The following LRMDA variants were observed in gnomAD, a reference collection of about 807,000 sequenced individuals.
LRMDA encodes the protein leucine rich melanocyte differentiation associated, also known as leucine-rich melanocyte differentiation-associated protein.
Under a neutral mutation model 29.8 loss-of-function variants are expected in LRMDA, and 18 were observed. That is an observed-to-expected ratio of 0.60 (90% CI 0.42 to 0.90). The LOEUF is 0.90. LRMDA is among the 40% of genes least tolerant of loss of function. LRMDA has a pLI of 0.00. For missense variants in LRMDA, 273 were observed against 273.9 expected (o/e 1.00, Z 0.02); for synonymous variants, 125 against 109.4 (o/e 1.14, Z -0.89).
intron 2 of LRMDA, among the ~76,000 whole-genome samples, chr10:75,575,166 C>T (rs970401750): frequency 2.6e-5 from 4 of 152,162 alleles, no homozygotes; most frequent in African/African-American, 4.8e-5. Context: ...CCCCTATGAT[C>T]CAAGGACTTC....
At chr10:76,318,307 A>T (rs746445237) in intron 5 of LRMDA, 1 of 152,142 alleles carries the variant, frequency 6.6e-6, no homozygotes, top group Non-Finnish European at 1.5e-5. Flanking sequence ...GCCTTTCATA[A>T]ATATTTGTGA....
Position 76,052,115 on chromosome 10 carries a change from C to T in LRMDA, c.398+4812C>T, listed in dbSNP as rs573760252. On this transcript the variant is annotated intron_variant, in intron 4 of 6. Coordinates refer to ENST00000611255, the MANE Select transcript of LRMDA (RefSeq NM_001305581.2). ...GAAAGATTGAGAATGGCTCACAGAT[C>T]ACCCACTGCTGCCTTCAGGGGTCTC... 2.6e-4 allele frequency among the ~76,000 whole-genome samples: 40 copies of T among 152,314 alleles called. 2 individuals carry two copies. The South Asian group carries it at 8.3e-3, about 32-fold the overall frequency.
chr10:76,354,451 C>A (rs1451713108), intron 6 of LRMDA, among the ~76,000 whole-genome samples: 1 of 152,052 alleles, frequency 6.6e-6, no homozygotes, highest in Non-Finnish European at 1.5e-5. Flanking sequence ...CTTTTTATTC[C>A]AGATAATACC....
At chr10:76,005,805 C>T (rs544322026) in intron 2 of LRMDA, among the ~76,000 whole-genome samples, 1 of 151,088 alleles carries the variant, frequency 6.6e-6, no homozygotes, top group African/African-American at 2.4e-5. Context: ...TGGCGGGCGC[C>T]TGTAGTCCCA....
rs1172520137 is a variant in LRMDA, at chr10:76,558,356, T to C, written c.*1068T>C. On this transcript the variant is annotated 3_prime_UTR_variant, in exon 7 of 7. Coordinates refer to ENST00000611255, the MANE Select transcript of LRMDA (RefSeq NM_001305581.2). ...CCTTTTGGATTTTGCATCTTTGTCA[T>C]GACCTCTCAGAAATCAAATCCACAG... is the stretch of plus-strand genomic sequence containing the variant. 1.3e-5 allele frequency: 2 copies of C among 152,222 alleles called. No homozygotes were observed. Among genetic ancestry groups the C allele is most frequent in the Admixed American group, 1.3e-4 (2 of 15,280 alleles). 9.4% of individuals were successfully genotyped at this position (152,222 alleles called of 1,614,324 possible).
intron 2 of LRMDA, among the ~76,000 whole-genome samples, chr10:75,971,489 C>A (rs1846969860): frequency 6.6e-6 from 1 of 152,176 alleles, no homozygotes; most frequent in Admixed American, 6.5e-5. Flanking sequence ...CCAGGCTCAT[C>A]AAGAACTTCC....
intron 2 of LRMDA, among the ~76,000 whole-genome samples, chr10:75,763,336 C>T (rs1490437841): frequency 2.0e-5 from 3 of 151,810 alleles, no homozygotes; most frequent in Admixed American, 2.0e-4. Flanking sequence ...TATAATAAGC[C>T]CAGGACTACC....
intron 6 of LRMDA, among the ~76,000 whole-genome samples, chr10:76,362,141 A>G (rs1841320543): frequency 6.6e-6 from 1 of 152,178 alleles, no homozygotes; most frequent in East Asian, 1.9e-4. Context: ...GCCTCTCAAA[A>G]ACACCTTTCT....
intron 5 of LRMDA, among the ~76,000 whole-genome samples, chr10:76,173,540 A>G (rs1426771998): frequency 6.6e-6 from 1 of 152,268 alleles, no homozygotes; most frequent in East Asian, 1.9e-4. Context: ...AAATGTAATT[A>G]GGAAATATTA....
At chr10:76,236,265 C>A (rs1383693374) in intron 5 of LRMDA, among the ~76,000 whole-genome samples, 1 of 152,186 alleles carries the variant, frequency 6.6e-6, no homozygotes, top group Non-Finnish European at 1.5e-5. Flanking sequence ...TGACCCAGTT[C>A]CTTGTAACTG....
chr10:75,479,461 C>T (rs148323395), intron 2 of LRMDA, among the ~76,000 whole-genome samples: 5,997 of 148,966 alleles, frequency 0.04, 376 homozygotes, highest in African/African-American at 0.14. Flanking sequence ...GAGCTGAGAT[C>T]GCACCACTGT....
chr10:75,460,004 A>C (rs1844566276), intron 2 of LRMDA, among the ~76,000 whole-genome samples: 1 of 152,206 alleles, frequency 6.6e-6, no homozygotes, highest in Non-Finnish European at 1.5e-5. Context: ...ACACATTCAA[A>C]CCATAGCACT....
intron 5 of LRMDA, among the ~76,000 whole-genome samples, chr10:76,259,770 A>G (rs1839910047): frequency 6.6e-6 from 1 of 152,090 alleles, no homozygotes; most frequent in Non-Finnish European, 1.5e-5. Context: ...TGTTGGGTGC[A>G]TATATATTTA....
rs866577911 is a variant in LRMDA, at chr10:75,939,953, G to T, written c.132-96055G>T. On this transcript the variant is annotated intron_variant, in intron 2 of 6. Coordinates refer to ENST00000611255, the MANE Select transcript of LRMDA (RefSeq NM_001305581.2). ...ACACACGTGCCTTTAGCAGAAGAAA[G>T]ATAACATCAGACCCCCCAAATCTGG... Among the ~76,000 whole-genome samples, 24 of 152,310 alleles carry T rather than the reference G, an allele frequency of 1.6e-4. No individual in the cohort carries two copies. The Middle Eastern group carries it at 0.01, about 65-fold the overall frequency.
chr10:76,438,679 GT>G (rs2132289519), intron 6 of LRMDA: 1 of 152,316 alleles, frequency 6.6e-6, no homozygotes, highest in African/African-American at 2.4e-5. Context: ...AGTGGTGTCA[GT>G]TTAGAGATCT....
chr10:75,525,803 T>C (rs1845407310), intron 2 of LRMDA, among the ~76,000 whole-genome samples: 1 of 151,588 alleles, frequency 6.6e-6, no homozygotes, highest in Non-Finnish European at 1.5e-5. Context: ...TACCAAACTC[T>C]GATTCAGTGT....
intron 5 of LRMDA, among the ~76,000 whole-genome samples, chr10:76,191,559 G>C (rs2132221875): frequency 6.6e-6 from 1 of 152,290 alleles, no homozygotes; most frequent in African/African-American, 2.4e-5. Context: ...GGCAACTTGG[G>C]GAATGTGGCT....
chr10:75,433,444 A>G (rs1224454206), intron 1 of LRMDA, among the ~76,000 whole-genome samples: 1 of 152,180 alleles, frequency 6.6e-6, no homozygotes, highest in Non-Finnish European at 1.5e-5. Flanking sequence ...GGGAGGAGCT[A>G]AGAAGGTAGG....
chr10:76,120,558 T>C (rs548456899), intron 5 of LRMDA, among the ~76,000 whole-genome samples: 1 of 152,216 alleles, frequency 6.6e-6, no homozygotes, highest in South Asian at 2.1e-4. Flanking sequence ...CTTATAAGAA[T>C]AAAAACTATA....
Sources: allele counts gnomAD v4.1 joint callset (sites outside exome capture counted in the v4.1 genomes callset), GRCh38; gene constraint gnomAD v4.1.1; transcripts MANE v1.5; gene names NCBI Gene and HGNC (gene_info 2026-07-23, HGNC 2026-07-21).